KHSRP: variants seen among roughly 807,000 people sequenced by gnomAD.
The protein encoded by KHSRP is KH-type splicing regulatory protein.
A neutral mutation model predicts 94.9 loss-of-function variants in KHSRP; 13 were observed. The ratio of observed to expected loss-of-function variants is 0.14; its 90% confidence interval spans 0.09 to 0.22. The LOEUF is 0.22. Ranked by LOEUF, KHSRP falls within the 10% of genes least tolerant of loss-of-function variation. The pLI, the probability that KHSRP is intolerant of heterozygous loss-of-function variation, is 1.00. For synonymous variants in KHSRP, 495 were observed against 401.4 expected, an observed-to-expected ratio of 1.23 and a Z score of -2.79; for missense variants, 710 against 1,010.0, an observed-to-expected ratio of 0.70 and a Z score of 4.03.
Position 6,424,636 on chromosome 19 carries a change from TC to T in KHSRP, c.65del (p.Gly22GlufsTer75). ...GAGGGCCTCCCCCGGCGCCTCCGGC[TC>T]CCCCGCCCCCGCCGGCGGGCGGCGG... ...GPPPPAGGGG[G>X]AGGAGGGPPP... is the part of the protein sequence containing the mutation. On this transcript the variant is annotated frameshift_variant, in exon 1 of 19. Transcript: ENST00000600480. LOFTEE classifies it high-confidence loss of function. 2.0e-6 allele frequency: 2 copies of T among 981,274 alleles called. No individual in the cohort carries two copies. Among genetic ancestry groups the T allele is most frequent in the African/African-American group, 1.9e-5 (1 of 52,738 alleles). The allele number at this position is 981,274 out of a possible 1,614,324, so 60.8% of individuals were successfully genotyped here.
chr19:6,420,057 C>T lies in KHSRP; in HGVS notation c.547+16G>A, dbSNP rs117786289. On this transcript the variant is annotated intron_variant, in intron 6 of 18. Coordinates refer to ENST00000600480, the MANE Select transcript of KHSRP (RefSeq NM_001366299.1). ...ACCCTGGCCCCCACTCTGGCAGGAA[C>T]CTGACGCTCTTATACCTGGAGAAAT... 22,348 of 1,605,796 alleles carry T rather than the reference C, an allele frequency of 0.014. 227 individuals are homozygous for T. Among genetic ancestry groups the T allele is most frequent in the South Asian group, 0.028 (2,538 of 90,800 alleles).
rs749403979 is a variant in KHSRP, at chr19:6,415,708, G to C, written c.1714C>G (p.Pro572Ala). 3.9e-5 allele frequency: 60 copies of C among 1,549,478 alleles called. No homozygotes were observed. Among genetic ancestry groups the C allele is most frequent in the Non-Finnish European group, 5.2e-5 (60 of 1,146,908 alleles). ...PSKAAAAAAD[P>A]NAAWAAYYSH... Reference sequence around the variant, plus strand: ...TAGTAGGCGGCCCACGCGGCGTTGGGGTCCGCGGCCGCTGCAGCTGCTTTG... The same window carrying C: ...TAGTAGGCGGCCCACGCGGCGTTGGCGTCCGCGGCCGCTGCAGCTGCTTTG... The change falls in exon 17 of 19, where the codon CCC becomes GCC. Residue 572 changes from proline (P) to alanine (A), a missense_variant. Physicochemically the swap from Pro to Ala is conservative, Grantham distance 27 (BLOSUM62 -1). Transcript: ENST00000600480.
Position 6,415,679 on chromosome 19 carries a change from T to C in KHSRP, c.1743A>G (p.Ser581=). 1.9e-6 allele frequency: 3 copies of C among 1,546,820 alleles called. No homozygotes were observed. The highest frequency in any genetic ancestry group is 1.4e-5 in the African/African-American group (1 of 73,086). ...DPNAAWAAYY[S]HYYQQPPGPV... ...GGCCCGGGGGCTGCTGGTAGTAGTG[T>C]GAGTAGTAGGCGGCCCACGCGGCGT... Residue 581 remains serine, a synonymous_variant, in exon 17 of 19, where the codon TCA becomes TCG. Coordinates refer to ENST00000600480, the MANE Select transcript of KHSRP (RefSeq NM_001366299.1).
chr19:6,416,153 G>A (rs1178829517), intron 15 of KHSRP, 145 bp downstream of exon 15: 8 of 678,472 alleles, frequency 1.2e-5, no homozygotes, highest in African/African-American at 1.8e-5. Context: ...GTAGACAGGA[G>A]AGGGCCTGTT....
Position 6,419,183 on chromosome 19 carries a change from G to C in KHSRP, c.605+20C>G. ...CTGCCTGCCCCCCACATCACAATGAGAGGCCCTGTGGGGACTTACTGGACA... is the reference window on the plus strand; with the variant it reads ...CTGCCTGCCCCCCACATCACAATGACAGGCCCTGTGGGGACTTACTGGACA... On this transcript the variant is annotated intron_variant, in intron 7 of 18. Coordinates refer to ENST00000600480, the MANE Select transcript of KHSRP (RefSeq NM_001366299.1). 1 of 1,571,488 alleles carries C rather than the reference G, an allele frequency of 6.4e-7. No homozygotes were observed. Among genetic ancestry groups the C allele is most frequent in the Non-Finnish European group, 8.6e-7 (1 of 1,158,160 alleles).
At position 6,413,189 on chromosome 19, in the gene KHSRP, C is replaced by G. The variant is rs1264384539; in HGVS notation, c.*1835G>C. 2.9e-4 allele frequency among the ~76,000 whole-genome samples: 39 copies of G among 134,752 alleles called. No homozygotes were observed. Among genetic ancestry groups the G allele is most frequent in the Non-Finnish European group, 5.6e-4 (35 of 63,048 alleles). 88.4% of individuals were successfully genotyped at this position (134,752 alleles called of 152,430 possible). ...GAAAGCACATTGAGCCTGAAGAAAA[C>G]TATTTTATATTTTTCTTAAAAAAAA... On this transcript the variant is annotated 3_prime_UTR_variant, in exon 19 of 19. Coordinates refer to ENST00000600480, the MANE Select transcript of KHSRP (RefSeq NM_001366299.1).
chr19:6,421,338 G>C, intron 3 of KHSRP, 21 bp from the exon 4 acceptor site: 2 of 1,580,540 alleles, frequency 1.3e-6, no homozygotes, highest in African/African-American at 2.7e-5. Context: ...AAAACCCAAA[G>C]CAAAGACTGG....
At chr19:6,416,964 C>G in intron 12 of KHSRP, 23 bp downstream of exon 12, 1 of 1,613,712 alleles carries the variant, frequency 6.2e-7, no homozygotes, top group Non-Finnish European at 8.5e-7. Flanking sequence ...CTGCCAGCCC[C>G]TTCAGCACCC....
intron 11 of KHSRP, 30 bp from the exon 12 acceptor site, chr19:6,417,117 C>A (rs764977743): frequency 1.9e-6 from 3 of 1,565,242 alleles, no homozygotes; most frequent in East Asian, 4.5e-5. Flanking sequence ...AGCAGAGACA[C>A]AAGTTTAAAA....
At chr19:6,422,544 T>TG in intron 1 of KHSRP, 108 bp from the exon 2 acceptor site, 2 of 784,760 alleles carry the variant, frequency 2.5e-6, no homozygotes, top group Non-Finnish European at 4.3e-6. Context: ...CATCAGGTCT[T>TG]GGTGTCTGGC....
In KHSRP at chr19:6,414,063, G is replaced by T. The variant is rs1344314387; in HGVS notation, c.*961C>A. 6.4e-7 allele frequency: 1 copy of T among 1,568,176 alleles called. No individual in the cohort carries two copies. Among genetic ancestry groups the T allele is most frequent in the Non-Finnish European group, 8.7e-7 (1 of 1,155,730 alleles). On this transcript the variant is annotated 3_prime_UTR_variant, in exon 19 of 19. Transcript: ENST00000600480. ...CAGAAGCCCCCAAACAGAACAAAATGGAAAAAAAAAAGATTTTTCACAGAT... is the reference window on the plus strand; with the variant it reads ...CAGAAGCCCCCAAACAGAACAAAATTGAAAAAAAAAAGATTTTTCACAGAT...
intron 6 of KHSRP, 99 bp from the exon 7 acceptor site, chr19:6,419,359 TC>T: frequency 9.3e-7 from 1 of 1,076,820 alleles, no homozygotes; most frequent in Non-Finnish European, 1.3e-6. Flanking sequence ...AAGGGCCACT[TC>T]TGTCCCATTC....
Position 6,417,723 on chromosome 19 carries a change from T to A in KHSRP, c.1081+16A>T. On this transcript the variant is annotated intron_variant, in intron 11 of 18. Transcript: ENST00000600480. ...GGGGGTGCACTGGCCAGGGGCAGGGTGGGCCAGGCCCTGACCTTGCTTGAA... is the reference window on the plus strand; with the variant it reads ...GGGGGTGCACTGGCCAGGGGCAGGGAGGGCCAGGCCCTGACCTTGCTTGAA... 1 of 1,607,498 alleles carries A rather than the reference T, an allele frequency of 6.2e-7. No individual in the cohort carries two copies. The highest frequency in any genetic ancestry group is 8.5e-7 in the Non-Finnish European group (1 of 1,174,910).
At chr19:6,419,991 C>G in intron 6 of KHSRP, 82 bp downstream of exon 6, 1 of 1,074,076 alleles carries the variant, frequency 9.3e-7, no homozygotes, top group Non-Finnish European at 1.4e-6. Context: ...TCCACAGTCC[C>G]CGTGGAAATT....
At position 6,414,119 on chromosome 19, in the gene KHSRP, G is replaced by A; in HGVS notation, c.*905C>T. 5 of 1,607,694 alleles carry A rather than the reference G, an allele frequency of 3.1e-6. No individual in the cohort carries two copies. Among genetic ancestry groups the A allele is most frequent in the Non-Finnish European group, 4.3e-6 (5 of 1,176,158 alleles). ...AGTTCACATTCATTCGATTCATTGA[G>A]CCTGCGGAGAGGGAAGAGATAGGAA... On this transcript the variant is annotated 3_prime_UTR_variant, in exon 19 of 19. Transcript: ENST00000600480.
rs775604284 is a variant in KHSRP, at chr19:6,414,977, G to A, written c.*47C>T. ...CCAGCGAATGCTTCCCTGGCGGTGC[G>A]TGGGGACTCCCGGAGACCTCCGGCC... is the stretch of plus-strand genomic sequence containing the variant. On this transcript the variant is annotated 3_prime_UTR_variant, in exon 19 of 19. Coordinates refer to ENST00000600480, the MANE Select transcript of KHSRP (RefSeq NM_001366299.1). 100 of 1,438,046 alleles carry A rather than the reference G, an allele frequency of 7.0e-5. No individual in the cohort carries two copies. Among genetic ancestry groups the A allele is most frequent in the Non-Finnish European group, 8.3e-5 (91 of 1,101,914 alleles). 89.1% of individuals were successfully genotyped at this position (1,438,046 alleles called of 1,614,324 possible).
Position 6,414,828 on chromosome 19 carries a change from GCCC to G in KHSRP, c.*193_*195del, listed in dbSNP as rs559474914. 3.2e-6 allele frequency: 4 copies of G among 1,232,788 alleles called. No homozygotes were observed. Among genetic ancestry groups the G allele is most frequent in the African/African-American group, 1.6e-5 (1 of 64,138 alleles). The allele number at this position is 1,232,788 out of a possible 1,614,324, so 76.4% of individuals were successfully genotyped here. On this transcript the variant is annotated 3_prime_UTR_variant, in exon 19 of 19. Coordinates refer to ENST00000600480, the MANE Select transcript of KHSRP (RefSeq NM_001366299.1). ...TGCCCACCGTCCGCGCTGTCTGCCTGCCCCCCGACTCCCCAGCAGTTCAGAAGT... is the reference window on the plus strand; with the variant it reads ...TGCCCACCGTCCGCGCTGTCTGCCTGCCCGACTCCCCAGCAGTTCAGAAGT...
Position 6,421,546 on chromosome 19 carries a change from G to C in KHSRP, c.385+104C>G. The C allele has an allele frequency of 4.7e-6, 6 of 1,282,270 alleles. No individual in the cohort carries two copies. In the East Asian group the frequency reaches 9.2e-5, roughly 20 times the overall value. The allele number at this position is 1,282,270 out of a possible 1,614,324, so 79.4% of individuals were successfully genotyped here. The stretch of plus-strand genomic sequence containing the variant: ...TGGGCCCCAGAATGAAGCACCAGGG[G>C]CCTCTGTAAAGAGCTGCCACCTCCT... On this transcript the variant is annotated intron_variant, in intron 3 of 18. Coordinates refer to ENST00000600480, the MANE Select transcript of KHSRP (RefSeq NM_001366299.1).
chr19:6,423,605 TGA>T (rs998277410), intron 1 of KHSRP, among the ~76,000 whole-genome samples: 17 of 152,172 alleles, frequency 1.1e-4, no homozygotes, highest in African/African-American at 4.1e-4. Context: ...ACTCCAAGGG[TGA>T]GAGAGACGAC....
Sources: gnomAD v4.1 joint callset for allele counts (sites outside exome capture counted in the v4.1 genomes callset) on GRCh38, gnomAD v4.1.1 for gene constraint, MANE v1.5 for transcripts, NCBI Gene and HGNC (gene_info 2026-07-23, HGNC 2026-07-21) for gene names.